Variants in THTPA observed in about 807,000 individuals in gnomAD.
THTPA encodes thiamine-triphosphatase.
THTPA carries 16 observed loss-of-function variants against 16.5 expected under a neutral mutation model. That is an observed-to-expected ratio of 0.97 (90% CI 0.66 to 1.47). The LOEUF (loss-of-function observed/expected upper bound fraction) is 1.47, where lower values mean the gene tolerates loss of function less well. Among genes scored for constraint, THTPA ranks in the 40% most tolerant of loss-of-function variants. THTPA has a pLI of 0.00. For missense variants in THTPA, 281 were observed against 280.9 expected (o/e 1.00, Z 0.00); for synonymous variants, 110 against 115.5 (o/e 0.95, Z 0.30).
chr14:23,557,368 C>T, intron 1 of THTPA, 64 bp downstream of exon 1: 4 of 1,459,750 alleles, frequency 2.7e-6, no homozygotes, highest in Middle Eastern at 2.2e-4. Flanking sequence ...GAGGCACCTG[C>T]TGGACCATGC....
chr14:23,543,823 A>G, the THTPA span: 1 of 152,248 alleles, frequency 6.6e-6, no homozygotes, highest in Non-Finnish European at 1.5e-5. Flanking sequence ...TCTCCCTCCA[A>G]CAGAGGGAGA....
intron 1 of THTPA, among the ~76,000 whole-genome samples, chr14:23,558,183 A>G (rs1882735754): frequency 6.6e-6 from 1 of 152,222 alleles, no homozygotes; most frequent in Admixed American, 6.5e-5. Context: ...GACACTGGCA[A>G]CAGGCAGTTC....
the THTPA span, chr14:23,529,565 T>G: frequency 2.4e-6 from 2 of 830,948 alleles, no homozygotes; most frequent in Non-Finnish European, 3.8e-6. Context: ...CATGTGGAAC[T>G]GGATCTGGGT....
Position 23,556,915 on chromosome 14 carries a change from G to A in THTPA, c.158G>A (p.Trp53Ter), listed in dbSNP as rs1183349544. The change falls in exon 1 of 2, where the codon TGG becomes TAG. Residue 53 changes from tryptophan to a stop codon, truncating the protein, a stop_gained. Coordinates refer to ENST00000288014, the MANE Select transcript of THTPA (RefSeq NM_024328.6). LOFTEE classifies it high-confidence loss of function. ...CTGAGCCTCATGCAGGCTGACCACT[G>A]GCTGCGACGACGAGAGGATAGTGGA... ...PELSLMQADH[W>*]LRRREDSGWE... The A allele has an allele frequency of 1.2e-6, 2 of 1,613,972 alleles. No homozygotes were observed. The highest frequency in any genetic ancestry group is 4.5e-5 in the East Asian group (2 of 44,884).
the THTPA span, chr14:23,521,822 T>C: frequency 1.4e-6 from 2 of 1,395,718 alleles, no homozygotes; most frequent in East Asian, 2.5e-5. Flanking sequence ...TGGTGCCCAC[T>C]GAGGGTGGGA....
chr14:23,523,537 GC>G, the THTPA span: 1 of 1,536,636 alleles, frequency 6.5e-7, no homozygotes, highest in Non-Finnish European at 8.7e-7. The surrounding 1 kb of genome is among the most constrained non-coding windows in gnomAD (Gnocchi z 4.1). Context: ...CCTCACTGCT[GC>G]CCCCAGTGCT....
chr14:23,560,192 T>C lies in THTPA; in HGVS notation c.*1352T>C. On this transcript the variant is annotated 3_prime_UTR_variant, in exon 2 of 2. Coordinates refer to ENST00000288014, the MANE Select transcript of THTPA (RefSeq NM_024328.6). Reference sequence around the variant, plus strand: ...CTCACACTGTCTCCCACCCACCTCCTCCACTTAGTGGCCTTTTCTCCTGGA... The same window carrying C: ...CTCACACTGTCTCCCACCCACCTCCCCCACTTAGTGGCCTTTTCTCCTGGA... 6.3e-7 allele frequency: 1 copy of C among 1,583,010 alleles called. No individual in the cohort carries two copies. The highest frequency in any genetic ancestry group is 1.1e-5 in the South Asian group (1 of 88,806).
At chr14:23,522,209 G>A in the THTPA span, 1 of 1,480,850 alleles carries the variant, frequency 6.8e-7, no homozygotes, top group Non-Finnish European at 8.9e-7. Context: ...GGTGCAGATG[G>A]GCACCCGCAA....
chr14:23,523,507 G>A, the THTPA span: 3 of 1,536,386 alleles, frequency 2.0e-6, no homozygotes, highest in Non-Finnish European at 2.6e-6. This position sits in a 1 kb window ranked among gnomAD's most constrained non-coding sequence, Gnocchi z 4.1. Context: ...GGCAGTCAGT[G>A]CGCTGGGCTG....
At chr14:23,513,421 A>G in the THTPA span, 2 of 152,510 alleles carry the variant, frequency 1.3e-5, no homozygotes, top group African/African-American at 4.8e-5. Flanking sequence ...GTGTGCGCGC[A>G]TGTACATGTA....
the THTPA span, chr14:23,521,194 CTGG>C: frequency 6.6e-6 from 1 of 152,390 alleles, no homozygotes; most frequent in African/African-American, 2.4e-5. Flanking sequence ...AGAGGGGTTT[CTGG>C]TGGCGGCATC....
At chr14:23,528,902 G>A in the THTPA span, 1 of 910,496 alleles carries the variant, frequency 1.1e-6, no homozygotes. Context: ...TGTCAGGGAG[G>A]GGATGACTGT....
the THTPA span, chr14:23,524,091 C>T: frequency 2.6e-6 from 4 of 1,531,090 alleles, no homozygotes; most frequent in Non-Finnish European, 1.7e-6. This position sits in a 1 kb window ranked among gnomAD's most constrained non-coding sequence, Gnocchi z 5.6. Context: ...GTGCCATCAT[C>T]TACCTTGCCT....
At chr14:23,529,595 A>G in the THTPA span, 32 of 1,074,406 alleles carry the variant, frequency 3.0e-5, no homozygotes, top group East Asian at 7.5e-4. Flanking sequence ...TAACTGTGCT[A>G]TTCTGAGTGA....
the THTPA span, chr14:23,527,539 T>C: frequency 3.3e-6 from 5 of 1,523,520 alleles, no homozygotes; most frequent in South Asian, 3.6e-5. Flanking sequence ...CCCCTGCCTC[T>C]TCCTCCCCTC....
At position 23,559,876 on chromosome 14, in the gene THTPA, G is replaced by A; in HGVS notation, c.*1036G>A. The A allele has an allele frequency of 6.2e-7, 1 of 1,613,332 alleles. No individual in the cohort carries two copies. Among genetic ancestry groups the A allele is most frequent in the Non-Finnish European group, 8.5e-7 (1 of 1,179,484 alleles). On this transcript the variant is annotated 3_prime_UTR_variant, in exon 2 of 2. Transcript: ENST00000288014. ...CTAGGAATAGGAGAGCAGGGACCAG[G>A]GTTAGCACCCACGGCTTCTTCTATC...
the THTPA span, among the ~76,000 whole-genome samples, chr14:23,538,471 C>G: frequency 6.6e-6 from 1 of 152,070 alleles, no homozygotes; most frequent in Non-Finnish European, 1.5e-5. Context: ...CTCAGAATCG[C>G]TAGGTCCCTT....
intron 1 of THTPA, among the ~76,000 whole-genome samples, chr14:23,558,208 C>T (rs1882741056): frequency 6.6e-6 from 1 of 152,242 alleles, no homozygotes; most frequent in African/African-American, 2.4e-5. Flanking sequence ...CTCACCTCAC[C>T]ATGTAGAGGC....
the THTPA span, among the ~76,000 whole-genome samples, chr14:23,544,856 TCTC>T: frequency 6.6e-6 from 1 of 152,138 alleles, no homozygotes; most frequent in Non-Finnish European, 1.5e-5. Context: ...CCATTCCACT[TCTC>T]CTTCTCCCAC....
Sources: allele counts gnomAD v4.1 joint callset (sites outside exome capture counted in the v4.1 genomes callset), GRCh38; gene constraint gnomAD v4.1.1; non-coding constraint Gnocchi (gnomAD v3.1); transcripts MANE v1.5; gene names NCBI Gene and HGNC (gene_info 2026-07-23, HGNC 2026-07-21).